Variants in AKT2 observed in about 807,000 individuals in gnomAD.
AKT2 encodes AKT serine/threonine kinase 2.
AKT2 carries 16 observed loss-of-function variants against 58.6 expected under a neutral mutation model. The observed-to-expected ratio is 0.27, with a 90% CI of 0.18 to 0.41. AKT2 has a LOEUF of 0.41. AKT2 is among the 10% of genes least tolerant of loss of function. The pLI is 1.00. For missense variants in AKT2, 438 were observed against 661.0 expected (o/e 0.66, Z 3.70); for synonymous variants, 253 against 254.0 (o/e 1.00, Z 0.04).
Position 40,235,173 on chromosome 19 carries a change from A to G in AKT2, c.1264-26T>C, listed in dbSNP as rs1487736710. 1.2e-6 allele frequency: 2 copies of G among 1,613,450 alleles called. No homozygotes were observed. The highest frequency in any genetic ancestry group is 3.3e-5 in the Admixed American group (2 of 60,034). ...CTACGGAGGAGAGGAGCTCAGGCTC[A>G]GGGACCCTGAGGCCAGGAGGCCTCA... On this transcript the variant is annotated intron_variant, in intron 12 of 13. Coordinates refer to ENST00000392038, the MANE Select transcript of AKT2 (RefSeq NM_001626.6). This position sits in a 1 kb window ranked among gnomAD's most constrained non-coding sequence, Gnocchi z 6.3.
Position 40,232,402 on chromosome 19 carries a change from G to A in AKT2, c.*1470C>T, listed in dbSNP as rs1048878008. The stretch of plus-strand genomic sequence containing the variant: ...GACGAGGAGAAAGGCCAGTAGGGAC[G>A]GAGAACTGTCAGATAACAACATCGC... On this transcript the variant is annotated 3_prime_UTR_variant, in exon 14 of 14. Transcript: ENST00000392038. 11 of 233,642 alleles carry A rather than the reference G, an allele frequency of 4.7e-5. No homozygotes were observed. Among genetic ancestry groups the A allele is most frequent in the Non-Finnish European group, 6.8e-5 (8 of 118,186 alleles). 14.5% of individuals were successfully genotyped at this position (233,642 alleles called of 1,614,324 possible).
chr19:40,254,294 G>C (rs1039781147), intron 4 of AKT2, among the ~76,000 whole-genome samples: 5 of 152,020 alleles, frequency 3.3e-5, no homozygotes, highest in Non-Finnish European at 7.4e-5. Flanking sequence ...GCACTTTGGA[G>C]GCCGAGGGAG....
In AKT2 at chr19:40,235,875, G is replaced by A. The variant is rs775365567; in HGVS notation, c.1175+15C>T. 2.3e-5 allele frequency: 37 copies of A among 1,597,818 alleles called. No homozygotes were observed. Among genetic ancestry groups the A allele is most frequent in the Admixed American group, 1.3e-4 (8 of 59,548 alleles). On this transcript the variant is annotated intron_variant, in intron 11 of 13. Coordinates refer to ENST00000392038, the MANE Select transcript of AKT2 (RefSeq NM_001626.6). This position sits in a 1 kb window ranked among gnomAD's most constrained non-coding sequence, Gnocchi z 6.3. ...AGCTGGCGCTGGGCTGGGTGGGGCC[G>A]ACGCCAGCCCTCACCTCTGCTTGGG...
chr19:40,282,165 G>A (rs527835726), intron 1 of AKT2: 4 of 211,436 alleles, frequency 1.9e-5, no homozygotes, highest in African/African-American at 9.5e-5. Flanking sequence ...GGGTGGGGGA[G>A]GCTGGATGCC....
At chr19:40,240,458 G>A (rs1378579526) in intron 6 of AKT2, among the ~76,000 whole-genome samples, 2 of 152,204 alleles carry the variant, frequency 1.3e-5, no homozygotes, top group Admixed American at 1.3e-4. Flanking sequence ...CACCTAGAAA[G>A]CATTCTTGCC....
intron 7 of AKT2, chr19:40,239,576 T>A: frequency 5.8e-6 from 2 of 341,950 alleles, no homozygotes; most frequent in Non-Finnish European, 1.1e-5. Flanking sequence ...ACATAAGCCA[T>A]CCTCAATCTA....
chr19:40,280,793 G>A (rs1472940150), intron 1 of AKT2: 1 of 152,436 alleles, frequency 6.6e-6, no homozygotes, highest in Non-Finnish European at 1.5e-5. Flanking sequence ...TTGCCAAACT[G>A]GGATCAGCTC....
chr19:40,234,508 TCC>T lies in AKT2; in HGVS notation c.1366+535_1366+536del, dbSNP rs1025730163. 1.1e-5 allele frequency: 3 copies of T among 266,922 alleles called. No individual in the cohort carries two copies. Among genetic ancestry groups the T allele is most frequent in the Non-Finnish European group, 7.1e-6 (1 of 140,542 alleles). 16.5% of individuals were successfully genotyped at this position (266,922 alleles called of 1,614,324 possible). A position where few individuals can be genotyped will look rare whatever the true frequency, so the allele number is the denominator to read the frequency against. On this transcript the variant is annotated intron_variant, in intron 13 of 13. Coordinates refer to ENST00000392038, the MANE Select transcript of AKT2 (RefSeq NM_001626.6). The surrounding 1 kb of genome is among the most constrained non-coding windows in gnomAD (Gnocchi z 4.7). ...TGCCATGCTTCTCCCATTGCTGGCATCCCACACGTCATTCCTCCGGCCAGCTG... is the reference window on the plus strand; with the variant it reads ...TGCCATGCTTCTCCCATTGCTGGCATCACACGTCATTCCTCCGGCCAGCTG...
chr19:40,255,305 G>A lies in AKT2; in HGVS notation c.176-36C>T, dbSNP rs3730256. The A allele has an allele frequency of 0.093, 144,919 of 1,561,392 alleles. 7,197 individuals carry two copies. Among genetic ancestry groups the A allele is most frequent in the Middle Eastern group, 0.17 (995 of 5,968 alleles). On this transcript the variant is annotated intron_variant, in intron 3 of 13. Transcript: ENST00000392038. ...AGGGAACAGACAGCAGGGGGCTGAG[G>A]GGATAGCCCTGCTAGCCTGCAGCCC...
rs531992485 is a variant in AKT2 at position 40,242,284 on chromosome 19, G to T, written c.442-215C>A. 2.3e-6 allele frequency: 2 copies of T among 864,082 alleles called. No homozygotes were observed. The highest frequency in any genetic ancestry group is 2.2e-5 in the Admixed American group (1 of 44,962). The allele number at this position is 864,082 out of a possible 1,614,324, so 53.5% of individuals were successfully genotyped here. On this transcript the variant is annotated intron_variant, in intron 5 of 13. Coordinates refer to ENST00000392038, the MANE Select transcript of AKT2 (RefSeq NM_001626.6). This position sits in a 1 kb window ranked among gnomAD's most constrained non-coding sequence, Gnocchi z 4.3. ...GGCCTTGGGAGGGCTGGGCTCTGAC[G>T]TGGGGGTAGCCAGGTCTTCACCAAC...
Position 40,265,335 on chromosome 19 carries a change from C to T in AKT2, c.-68G>A, listed in dbSNP as rs754234561. On this transcript the variant is annotated 5_prime_UTR_variant, in exon 2 of 14. Coordinates refer to ENST00000392038, the MANE Select transcript of AKT2 (RefSeq NM_001626.6). ...GGGCAGCAGGACATGCAGGAGGCAC[C>T]GTGGACAGGGCACAGTCTGCAAGAC... The T allele has an allele frequency of 1.3e-4, 202 of 1,584,448 alleles. No homozygotes were observed. Among genetic ancestry groups the T allele is most frequent in the Non-Finnish European group, 3.2e-5 (37 of 1,166,522 alleles).
chr19:40,252,574 C>T (rs1277116908), intron 4 of AKT2, among the ~76,000 whole-genome samples: 1 of 146,480 alleles, frequency 6.8e-6, no homozygotes, highest in Non-Finnish European at 1.5e-5. Context: ...CCGCAATTTA[C>T]TAAGTGCCTG....
In AKT2 at chr19:40,242,484, G is replaced by C; in HGVS notation, c.441+50C>G. 1 of 1,610,118 alleles carries C rather than the reference G, an allele frequency of 6.2e-7. No individual in the cohort carries two copies. The highest frequency in any genetic ancestry group is 8.5e-7 in the Non-Finnish European group (1 of 1,179,098). ...ACCAAGGAGAGCAGGCCAGCACTGG[G>C]GGTGGGGGCACCGCAGGCTGGCAGC... On this transcript the variant is annotated intron_variant, in intron 5 of 13. Coordinates refer to ENST00000392038, the MANE Select transcript of AKT2 (RefSeq NM_001626.6). The surrounding 1 kb of genome is among the most constrained non-coding windows in gnomAD (Gnocchi z 4.3).
rs1021797255 is a variant in AKT2 at position 40,242,230 on chromosome 19, G to A, written c.442-161C>T. The A allele has an allele frequency of 1.1e-4, 125 of 1,111,700 alleles. No individual in the cohort carries two copies. Among genetic ancestry groups the A allele is most frequent in the African/African-American group, 1.1e-3 (72 of 64,578 alleles). 68.9% of individuals were successfully genotyped at this position (1,111,700 alleles called of 1,614,324 possible). A position where few individuals can be genotyped will look rare whatever the true frequency, so the allele number is the denominator to read the frequency against. On this transcript the variant is annotated intron_variant, in intron 5 of 13. Transcript: ENST00000392038. This position sits in a 1 kb window ranked among gnomAD's most constrained non-coding sequence, Gnocchi z 4.3. ...GGGCAGCAACTGTGTGTTCTGAAGC[G>A]GCCTTCAGACCAGGCTCTGCAGGCA...
In AKT2 at chr19:40,230,831, T is replaced by G. The variant is rs995590909; in HGVS notation, c.*3041A>C. The G allele has an allele frequency of 5.3e-6, 1 of 189,374 alleles. No individual in the cohort carries two copies. The highest frequency in any genetic ancestry group is 1.1e-5 in the Non-Finnish European group (1 of 90,292). 11.7% of individuals were successfully genotyped at this position (189,374 alleles called of 1,614,324 possible). A position where few individuals can be genotyped will look rare whatever the true frequency, so the allele number is the denominator to read the frequency against. ...CCTGGGCTCAAGTGATCTTCCCACC[T>G]CACCTCAGCCTTCCAAGTTAGCTGG... On this transcript the variant is annotated 3_prime_UTR_variant, in exon 14 of 14. Coordinates refer to ENST00000392038, the MANE Select transcript of AKT2 (RefSeq NM_001626.6).
intron 2 of AKT2, among the ~76,000 whole-genome samples, chr19:40,260,187 C>T (rs1975837436): frequency 6.6e-6 from 1 of 151,846 alleles, no homozygotes. Context: ...AAAAAATCCA[C>T]ACACACAATG....
chr19:40,270,225 C>T (rs547692731), intron 1 of AKT2, among the ~76,000 whole-genome samples: 52 of 152,324 alleles, frequency 3.4e-4, no homozygotes, highest in African/African-American at 1.2e-3. Flanking sequence ...CCATCACCAC[C>T]GATGTTACTG....
At chr19:40,252,062 C>A (rs1234884810) in intron 4 of AKT2, among the ~76,000 whole-genome samples, 1 of 152,094 alleles carries the variant, frequency 6.6e-6, no homozygotes, top group Non-Finnish European at 1.5e-5. Flanking sequence ...ACCAGGAGCC[C>A]AGTGAGGAGG....
At position 40,256,999 on chromosome 19, in the gene AKT2, G is replaced by A. The variant is rs778663021; in HGVS notation, c.102C>T (p.Ser34=). Residue 34 remains serine (S), a synonymous_variant, in exon 3 of 14, where the codon TCC becomes TCT. Transcript: ENST00000392038. ...CGGGCCTCTCCTTGTACCCAATGAA[G>A]GAGCCGTCGCTCTTCAGCAGGAAGT... ...PRYFLLKSDG[S]FIGYKERPEA... The A allele has an allele frequency of 1.2e-6, 2 of 1,614,110 alleles. No homozygotes were observed. Among genetic ancestry groups the A allele is most frequent in the Non-Finnish European group, 1.7e-6 (2 of 1,180,044 alleles).
Sources: allele counts gnomAD v4.1 joint callset (sites outside exome capture counted in the v4.1 genomes callset), GRCh38; gene constraint gnomAD v4.1.1; non-coding constraint Gnocchi (gnomAD v3.1); transcripts MANE v1.5; gene names NCBI Gene and HGNC (gene_info 2026-07-23, HGNC 2026-07-21).